Variants in NRG1 observed in about 807,000 individuals in gnomAD.
The protein encoded by NRG1 is pro-neuregulin-1, membrane-bound isoform.
Under a neutral mutation model 63.8 loss-of-function variants are expected in NRG1, and 18 were observed. The observed-to-expected ratio is 0.28, with a 90% confidence interval of 0.19 to 0.42. NRG1 has a LOEUF of 0.42. Among genes scored for constraint, NRG1 ranks in the 10% least tolerant of loss-of-function variants. NRG1 has a pLI of 1.00. For synonymous variants in NRG1, 302 were observed against 301.3 expected, an observed-to-expected ratio of 1.00 and a Z score of -0.02; for missense variants, 762 against 814.7, an observed-to-expected ratio of 0.94 and a Z score of 0.79.
intron 1 of NRG1, among the ~76,000 whole-genome samples, chr8:31,736,777 A>G (rs1039585482): frequency 1.3e-5 from 2 of 152,154 alleles, no homozygotes; most frequent in Non-Finnish European, 2.9e-5. Context: ...TTTCTATGGC[A>G]AGGCCATTCC....
At chr8:32,627,213 G>A (rs62500235) in intron 5 of NRG1, among the ~76,000 whole-genome samples, 14,212 of 151,928 alleles carry the variant, frequency 0.094, 710 homozygotes, top group Middle Eastern at 0.14. Flanking sequence ...ATAATTTACC[G>A]TCAAGAATAA....
chr8:31,669,199 T>C (rs1806852298), intron 1 of NRG1, among the ~76,000 whole-genome samples: 1 of 151,506 alleles, frequency 6.6e-6, no homozygotes, highest in African/African-American at 2.4e-5. Flanking sequence ...GGGATGGGTC[T>C]ACAGGCCTGC....
At chr8:32,179,729 A>G (rs1841225122) in intron 1 of NRG1, among the ~76,000 whole-genome samples, 1 of 152,214 alleles carries the variant, frequency 6.6e-6, no homozygotes, top group African/African-American at 2.4e-5. Context: ...CTGTAGTCTG[A>G]GCAATGACAT....
chr8:31,995,351 C>T (rs1486164817), intron 1 of NRG1, among the ~76,000 whole-genome samples: 1 of 151,932 alleles, frequency 6.6e-6, no homozygotes, highest in African/African-American at 2.4e-5. Flanking sequence ...TAAATCTTCC[C>T]TATATTCTCC....
chr8:32,111,486 G>A (rs1469403483), intron 1 of NRG1, among the ~76,000 whole-genome samples: 1 of 152,120 alleles, frequency 6.6e-6, no homozygotes, highest in Non-Finnish European at 1.5e-5. Context: ...TGTGTTGTCA[G>A]TATTCAAGTG....
chr8:31,746,554 A>T (rs7821180), intron 1 of NRG1, among the ~76,000 whole-genome samples: 22,941 of 151,952 alleles, frequency 0.15, 1,897 homozygotes, highest in Admixed American at 0.21. Flanking sequence ...CTTGCTCTAC[A>T]GGTAGGCCCG....
At chr8:31,932,619 G>A (rs1834958541) in intron 1 of NRG1, among the ~76,000 whole-genome samples, 1 of 152,138 alleles carries the variant, frequency 6.6e-6, no homozygotes, top group African/African-American at 2.4e-5. Context: ...TCAAAAATGA[G>A]TATGTTGAGA....
chr8:32,512,895 C>T (rs956563878), intron 1 of NRG1, among the ~76,000 whole-genome samples: 3 of 152,074 alleles, frequency 2.0e-5, no homozygotes, highest in Non-Finnish European at 2.9e-5. Context: ...AACAATAACC[C>T]CATTCCTTTA....
chr8:32,202,326 G>C (rs557461915), intron 1 of NRG1, among the ~76,000 whole-genome samples: 1 of 152,114 alleles, frequency 6.6e-6, no homozygotes, highest in South Asian at 2.1e-4. Flanking sequence ...TGTGACAGGG[G>C]TGTCTTGTTT....
chr8:32,078,217 G>A (rs1335883534), intron 1 of NRG1, among the ~76,000 whole-genome samples: 1 of 152,182 alleles, frequency 6.6e-6, no homozygotes, highest in Non-Finnish European at 1.5e-5. Flanking sequence ...GTGGTAATGA[G>A]TGAGTTCTTA....
intron 1 of NRG1, among the ~76,000 whole-genome samples, chr8:31,651,790 T>G (rs1804871277): frequency 6.6e-6 from 1 of 152,128 alleles, no homozygotes; most frequent in Non-Finnish European, 1.5e-5. Context: ...GTCCATTTTT[T>G]TTTTCCTTCA....
intron 1 of NRG1, among the ~76,000 whole-genome samples, chr8:32,111,763 G>A (rs574563332): frequency 1.1e-4 from 16 of 152,244 alleles, no homozygotes; most frequent in Admixed American, 6.5e-4. Context: ...AGAAAATTGA[G>A]CGAATCCCAG....
At chr8:32,276,520 T>G (rs1044367414) in intron 1 of NRG1, among the ~76,000 whole-genome samples, 2 of 152,160 alleles carry the variant, frequency 1.3e-5, no homozygotes, top group Non-Finnish European at 2.9e-5. Context: ...GCTTTTCTTT[T>G]TATGAGACAG....
At chr8:32,200,012 C>CAGATGAT (rs1242792045) in intron 1 of NRG1, among the ~76,000 whole-genome samples, 2 of 152,174 alleles carry the variant, frequency 1.3e-5, no homozygotes, top group Admixed American at 6.5e-5. Context: ...CTCCTGACCT[C>CAGATGAT]AGATGATCTG....
chr8:31,663,701 C>A, intron 1 of NRG1, among the ~76,000 whole-genome samples: 1 of 152,094 alleles, frequency 6.6e-6, no homozygotes, highest in South Asian at 2.1e-4. Flanking sequence ...TGGGTTATGT[C>A]CAGTTAATGG....
At chr8:31,870,816 G>A (rs1293650332) in intron 1 of NRG1, among the ~76,000 whole-genome samples, 2 of 151,904 alleles carry the variant, frequency 1.3e-5, no homozygotes, top group African/African-American at 4.8e-5. Context: ...TAAGAATTTC[G>A]AATGCACCTC....
intron 5 of NRG1, among the ~76,000 whole-genome samples, chr8:32,723,563 G>A (rs7828695): frequency 0.064 from 9,700 of 151,460 alleles, 1,093 homozygotes; most frequent in African/African-American, 0.22. Context: ...GCGCATGGCT[G>A]TAGTACCAGC....
At chr8:32,078,734 C>G (rs995614226) in intron 1 of NRG1, among the ~76,000 whole-genome samples, 1 of 152,090 alleles carries the variant, frequency 6.6e-6, no homozygotes, top group Non-Finnish European at 1.5e-5. Flanking sequence ...CAAATAATCT[C>G]CATTTCTCTT....
At chr8:32,259,052 T>C (rs992233263) in intron 1 of NRG1, among the ~76,000 whole-genome samples, 30 of 152,208 alleles carry the variant, frequency 2.0e-4, no homozygotes, top group African/African-American at 7.2e-4. Context: ...CTCCGGGTTA[T>C]AGACTTGGTA....
Sources: gnomAD v4.1 joint callset for allele counts (sites outside exome capture counted in the v4.1 genomes callset) on GRCh38, gnomAD v4.1.1 for gene constraint, MANE v1.5 for transcripts, NCBI Gene and HGNC (gene_info 2026-07-23, HGNC 2026-07-21) for gene names.